The following IGSF21 variants were observed in gnomAD, a reference collection of about 807,000 sequenced individuals.
IGSF21 encodes immunoglobulin superfamily member 21.
Under a neutral mutation model 46.8 loss-of-function variants are expected in IGSF21, and 28 were observed. The ratio of observed to expected loss-of-function variants is 0.60; its 90% CI spans 0.44 to 0.82. The LOEUF (loss-of-function observed/expected upper bound fraction) is 0.82, where lower values mean the gene tolerates loss of function less well. IGSF21 is among the 40% of genes least tolerant of loss of function. IGSF21 has a pLI of 0.00. For synonymous variants in IGSF21, 284 were observed against 273.6 expected (o/e 1.04, Z -0.38); for missense variants, 624 against 665.5 (o/e 0.94, Z 0.69).
intron 1 of IGSF21, among the ~76,000 whole-genome samples, chr1:18,202,030 G>A (rs548514181): frequency 6.6e-6 from 1 of 152,262 alleles, no homozygotes; most frequent in Non-Finnish European, 1.5e-5. Flanking sequence ...CAAGCACTTG[G>A]AAAATTCCAT....
chr1:18,304,724 CACACAT>C lies in IGSF21; in HGVS notation c.305+12743_305+12748del, dbSNP rs1557634568. ...ACACACACATACACACACACACACACACACATACACACACACACACACATTATCCTT... is the reference window on the plus strand; with the variant it reads ...ACACACACATACACACACACACACACACACACACACACACACATTATCCTT... On this transcript the variant is annotated intron_variant, in intron 3 of 9. Coordinates refer to ENST00000251296, the MANE Select transcript of IGSF21 (RefSeq NM_032880.5). 8.6e-3 allele frequency among the ~76,000 whole-genome samples: 398 copies of C among 46,078 alleles called. 2 individuals are homozygous for C. Among genetic ancestry groups the C allele is most frequent in the African/African-American group, 0.018 (165 of 9,036 alleles). The allele number at this position is 46,078 out of a possible 152,430, so 30.2% of individuals were successfully genotyped here.
chr1:18,355,476 G>A (rs59612992), intron 4 of IGSF21, among the ~76,000 whole-genome samples: 4,609 of 152,214 alleles, frequency 0.03, 245 homozygotes, highest in African/African-American at 0.1. Context: ...CTCCCTTGGT[G>A]GCCATGGAAC....
intron 3 of IGSF21, among the ~76,000 whole-genome samples, chr1:18,292,754 C>T (rs2085279255): frequency 6.6e-6 from 1 of 152,168 alleles, no homozygotes; most frequent in Admixed American, 6.5e-5. Context: ...AACCCCACTC[C>T]AGCAATTCCA....
At chr1:18,117,905 T>C (rs1192479132) in intron 1 of IGSF21, among the ~76,000 whole-genome samples, 3 of 152,222 alleles carry the variant, frequency 2.0e-5, no homozygotes, top group Non-Finnish European at 4.4e-5. Flanking sequence ...CTTTGTTGCA[T>C]GCACTGAGCA....
intron 1 of IGSF21, among the ~76,000 whole-genome samples, chr1:18,156,813 C>G (rs928756681): frequency 6.6e-6 from 1 of 152,160 alleles, no homozygotes; most frequent in Admixed American, 6.6e-5. Context: ...GAAGTGAGAG[C>G]GGACAGTGGG....
chr1:18,321,394 G>A (rs1034857607), intron 3 of IGSF21, among the ~76,000 whole-genome samples: 2 of 152,106 alleles, frequency 1.3e-5, no homozygotes, highest in Non-Finnish European at 2.9e-5. Flanking sequence ...CAGAAGCCTC[G>A]GCCTCTCTGT....
chr1:18,239,942 C>T (rs997687276), intron 2 of IGSF21, among the ~76,000 whole-genome samples: 1 of 152,192 alleles, frequency 6.6e-6, no homozygotes, highest in Non-Finnish European at 1.5e-5. Context: ...TCTTGAGTAC[C>T]AACTAGTGCC....
At chr1:18,360,425 G>A (rs569089324) in intron 4 of IGSF21, among the ~76,000 whole-genome samples, 1 of 152,276 alleles carries the variant, frequency 6.6e-6, no homozygotes, top group Non-Finnish European at 1.5e-5. Context: ...AGTTGCCCGT[G>A]TGTCTGTCGC....
At chr1:18,287,672 GCCTCTCAGAGCCCATGA>G (rs1445583973) in intron 2 of IGSF21, among the ~76,000 whole-genome samples, 1 of 152,152 alleles carries the variant, frequency 6.6e-6, no homozygotes, top group Non-Finnish European at 1.5e-5. Context: ...CACCATGGGA[GCCTCTCAGAGCCCATGA>G]GACCTGCCTG....
At chr1:18,377,267 G>C (rs2124641801) in intron 8 of IGSF21, 126 bp from the exon 9 acceptor site, 1 of 928,672 alleles carries the variant, frequency 1.1e-6, no homozygotes, top group East Asian at 2.4e-5. Flanking sequence ...CTCCCCTGAA[G>C]GTTGTGTGGC....
intron 1 of IGSF21, among the ~76,000 whole-genome samples, chr1:18,157,337 T>C (rs1015411968): frequency 2.6e-5 from 4 of 152,136 alleles, no homozygotes; most frequent in Non-Finnish European, 5.9e-5. Flanking sequence ...GCCTGGTGGG[T>C]ACCCCAGGAC....
chr1:18,154,369 C>T (rs527262174), intron 1 of IGSF21, among the ~76,000 whole-genome samples: 1 of 152,106 alleles, frequency 6.6e-6, no homozygotes, highest in Non-Finnish European at 1.5e-5. Context: ...TTTCCTATAT[C>T]AAAACTTCCC....
chr1:18,217,617 T>A (rs1212931246), intron 1 of IGSF21, among the ~76,000 whole-genome samples: 1 of 152,224 alleles, frequency 6.6e-6, no homozygotes, highest in African/African-American at 2.4e-5. Flanking sequence ...TTGTGTCCTG[T>A]GACTATAGCA....
At chr1:18,220,000 C>T (rs2084492516) in intron 1 of IGSF21, among the ~76,000 whole-genome samples, 1 of 152,166 alleles carries the variant, frequency 6.6e-6, no homozygotes. Flanking sequence ...CCAGGAGAAG[C>T]AGGATATTGT....
chr1:18,190,624 G>T (rs1036692151), intron 1 of IGSF21, among the ~76,000 whole-genome samples: 1 of 152,208 alleles, frequency 6.6e-6, no homozygotes, highest in Non-Finnish European at 1.5e-5. Context: ...GGGGACAGTG[G>T]GGGTGAGTGG....
At chr1:18,323,280 G>C (rs534841525) in intron 3 of IGSF21, among the ~76,000 whole-genome samples, 1 of 152,134 alleles carries the variant, frequency 6.6e-6, no homozygotes, top group East Asian at 1.9e-4. Flanking sequence ...ACCTTGTCCT[G>C]TCCCAGCTTC....
At chr1:18,176,317 T>C (rs529257410) in intron 1 of IGSF21, 9 of 152,304 alleles carry the variant, frequency 5.9e-5, no homozygotes, top group African/African-American at 2.2e-4. Flanking sequence ...CCTGGCTTCA[T>C]TTTTCAGACA....
intron 4 of IGSF21, among the ~76,000 whole-genome samples, chr1:18,352,628 T>G (rs2085969471): frequency 6.6e-6 from 1 of 152,204 alleles, no homozygotes; most frequent in Non-Finnish European, 1.5e-5. Flanking sequence ...TGTGGCATTT[T>G]ATTTCTCCAC....
intron 3 of IGSF21, among the ~76,000 whole-genome samples, chr1:18,301,253 C>T (rs1259887241): frequency 6.6e-6 from 1 of 152,220 alleles, no homozygotes; most frequent in Non-Finnish European, 1.5e-5. Flanking sequence ...CCATTGGAGC[C>T]AGGTCCACTT....
Sources: gnomAD v4.1 joint callset for allele counts (sites outside exome capture counted in the v4.1 genomes callset) on GRCh38, gnomAD v4.1.1 for gene constraint, MANE v1.5 for transcripts, NCBI Gene and HGNC (gene_info 2026-07-23, HGNC 2026-07-21) for gene names.